Variants in CA10 observed in about 807,000 individuals in gnomAD.
CA10 encodes the protein carbonic anhydrase 10 (inactive).
CA10 carries 14 observed loss-of-function variants against 44.2 expected under a neutral mutation model. The observed-to-expected ratio is 0.32, with a 90% confidence interval of 0.21 to 0.50. The LOEUF (loss-of-function observed/expected upper bound fraction) is 0.50. CA10 is among the 20% of genes least tolerant of loss of function. The pLI, the probability that CA10 is intolerant of heterozygous loss-of-function variation, is 0.99. For synonymous variants in CA10, 159 were observed against 141.6 expected, an observed-to-expected ratio of 1.12 and a Z score of -0.87; for missense variants, 350 against 409.7, an observed-to-expected ratio of 0.85 and a Z score of 1.26.
At chr17:51,744,552 G>A (rs1237318455) in intron 4 of CA10, among the ~76,000 whole-genome samples, 1 of 152,132 alleles carries the variant, frequency 6.6e-6, no homozygotes, top group Non-Finnish European at 1.5e-5. Context: ...AGAGGTTACA[G>A]TGAACTGTGA....
At chr17:52,067,343 T>C (rs1987564675) in intron 2 of CA10, among the ~76,000 whole-genome samples, 1 of 152,204 alleles carries the variant, frequency 6.6e-6, no homozygotes, top group Admixed American at 6.5e-5. Context: ...TTACATGTGG[T>C]GTTGGGCCTG....
chr17:51,765,719 G>A (rs1905353484), intron 3 of CA10, among the ~76,000 whole-genome samples: 1 of 141,506 alleles, frequency 7.1e-6, no homozygotes, highest in Non-Finnish European at 1.5e-5. Context: ...GTGTGTGTGT[G>A]TGTGTATGTG....
In CA10 at chr17:52,158,637, C is replaced by T. The variant is rs948631068; in HGVS notation, c.-851G>A. 2 of 152,792 alleles carry T rather than the reference C, an allele frequency of 1.3e-5. No individual in the cohort carries two copies. Among genetic ancestry groups the T allele is most frequent in the Non-Finnish European group, 2.9e-5 (2 of 68,560 alleles). 9.5% of individuals were successfully genotyped at this position (152,792 alleles called of 1,614,324 possible). ...GCCCTTCCTGCTCCTCTGCTATTTT[C>T]CTGAACTCCCCAGAACCCCCAGTTG... On this transcript the variant is annotated 5_prime_UTR_variant, in exon 1 of 9. Coordinates refer to ENST00000451037, the MANE Select transcript of CA10 (RefSeq NM_020178.5).
chr17:51,851,655 G>A (rs763072993), intron 3 of CA10, among the ~76,000 whole-genome samples: 2 of 152,176 alleles, frequency 1.3e-5, no homozygotes, highest in Non-Finnish European at 2.9e-5. Context: ...GCTTCTGGAA[G>A]TCAAGGGTTG....
intron 2 of CA10, among the ~76,000 whole-genome samples, chr17:52,006,997 T>G (rs981330061): frequency 1.3e-5 from 2 of 151,748 alleles, no homozygotes; most frequent in Non-Finnish European, 3.0e-5. Flanking sequence ...ATTATGTACA[T>G]AGTTAGAGGT....
At chr17:52,091,306 A>T (rs1025305318) in intron 1 of CA10, among the ~76,000 whole-genome samples, 4 of 152,140 alleles carry the variant, frequency 2.6e-5, no homozygotes, top group Non-Finnish European at 4.4e-5. Context: ...TGGTATAAAA[A>T]TTTTTAAAAA....
intron 4 of CA10, among the ~76,000 whole-genome samples, chr17:51,705,334 G>A (rs1915730383): frequency 1.3e-5 from 2 of 152,122 alleles, no homozygotes; most frequent in South Asian, 4.1e-4. Context: ...ATAGATCAAT[G>A]TTTCTTCCTT....
intron 3 of CA10, among the ~76,000 whole-genome samples, chr17:51,866,771 T>C (rs917735785): frequency 3.9e-5 from 6 of 152,190 alleles, no homozygotes; most frequent in African/African-American, 1.2e-4. Flanking sequence ...AGTCACATGG[T>C]TTATGATGTT....
At chr17:51,756,129 A>G (rs1905069576) in intron 3 of CA10, among the ~76,000 whole-genome samples, 1 of 152,104 alleles carries the variant, frequency 6.6e-6, no homozygotes, top group African/African-American at 2.4e-5. Context: ...CTATAACTAT[A>G]AAAATACATA....
chr17:52,098,807 T>C (rs1259320137), intron 1 of CA10, among the ~76,000 whole-genome samples: 2 of 152,154 alleles, frequency 1.3e-5, no homozygotes, highest in Non-Finnish European at 2.9e-5. Flanking sequence ...CAAGGGCCCA[T>C]TGCTATATTA....
At chr17:52,007,160 A>G (rs979551521) in intron 2 of CA10, among the ~76,000 whole-genome samples, 1 of 151,632 alleles carries the variant, frequency 6.6e-6, no homozygotes, top group Non-Finnish European at 1.5e-5. Flanking sequence ...CTGGAAATTC[A>G]TTTTCAAATA....
chr17:51,918,956 A>T (rs1982115468), intron 3 of CA10, among the ~76,000 whole-genome samples: 1 of 152,174 alleles, frequency 6.6e-6, no homozygotes, highest in African/African-American at 2.4e-5. Context: ...TTAAATCTTC[A>T]TCAGAAAAAT....
At chr17:52,154,753 A>G (rs1439555120) in intron 1 of CA10, among the ~76,000 whole-genome samples, 1 of 152,222 alleles carries the variant, frequency 6.6e-6, no homozygotes. Flanking sequence ...TGCATTAAGT[A>G]GCCAAAGCTG....
At chr17:51,840,985 A>G (rs1978314496) in intron 3 of CA10, among the ~76,000 whole-genome samples, 1 of 152,140 alleles carries the variant, frequency 6.6e-6, no homozygotes. Flanking sequence ...AGCAGAGCTG[A>G]AGTAATATTC....
At chr17:52,112,938 C>A (rs1988817070) in intron 1 of CA10, among the ~76,000 whole-genome samples, 1 of 152,158 alleles carries the variant, frequency 6.6e-6, no homozygotes, top group Non-Finnish European at 1.5e-5. Context: ...GAAGCCATTT[C>A]TTTTCTTTTC....
At chr17:52,031,441 T>A (rs1986464077) in intron 2 of CA10, among the ~76,000 whole-genome samples, 1 of 152,138 alleles carries the variant, frequency 6.6e-6, no homozygotes, top group African/African-American at 2.4e-5. Flanking sequence ...TGAGCCACTG[T>A]GCCTGGCTGT....
intron 1 of CA10, among the ~76,000 whole-genome samples, chr17:52,119,860 T>C (rs1988975019): frequency 6.6e-6 from 1 of 152,206 alleles, no homozygotes; most frequent in Admixed American, 6.5e-5. Flanking sequence ...TTTAATTTTT[T>C]TTCCCCCACA....
At chr17:51,764,780 C>T (rs2143644168) in intron 3 of CA10, among the ~76,000 whole-genome samples, 1 of 152,292 alleles carries the variant, frequency 6.6e-6, no homozygotes, top group Middle Eastern at 3.4e-3. Context: ...TGCCTCAGCA[C>T]ATTTCTTGAT....
chr17:52,091,301 T>C (rs1988258784), intron 1 of CA10, among the ~76,000 whole-genome samples: 1 of 152,162 alleles, frequency 6.6e-6, no homozygotes. Flanking sequence ...AAAAATGGTA[T>C]AAAAATTTTT....
Sources: gnomAD v4.1 joint callset for allele counts (sites outside exome capture counted in the v4.1 genomes callset) on GRCh38, gnomAD v4.1.1 for gene constraint, MANE v1.5 for transcripts, NCBI Gene and HGNC (gene_info 2026-07-23, HGNC 2026-07-21) for gene names.